The following SPANXN3 variants were observed in gnomAD, a reference collection of about 807,000 sequenced individuals.
The protein encoded by SPANXN3 is SPANX family member N3, also known as sperm protein associated with the nucleus on the X chromosome N3.
In SPANXN3, 1 loss-of-function variant was observed where a neutral mutation model predicts 1.9. That is an observed-to-expected ratio of 0.54 (90% CI 0.19 to 2.54). SPANXN3 has a LOEUF of 2.54. Ranked by LOEUF, SPANXN3 falls within the 30% of genes most tolerant of loss-of-function variation. SPANXN3 has a pLI of 0.24. For synonymous variants in SPANXN3, 47 were observed against 40.0 expected (o/e 1.17, Z -0.66); for missense variants, 113 against 96.2 (o/e 1.17, Z -0.73).
chrX:143,516,622 TC>T (rs1159730980), intron 1 of SPANXN3: 1 of 111,733 alleles, frequency 8.9e-6, no homozygotes, highest in Non-Finnish European at 1.9e-5. Flanking sequence ...TACCTTCATA[TC>T]CCGCTTTATC....
At chrX:143,511,489 A>G (rs1929090227) in intron 1 of SPANXN3, among the ~76,000 whole-genome samples, 1 of 111,668 alleles carries the variant, frequency 9.0e-6, no homozygotes, top group African/African-American at 3.3e-5. Context: ...AAAACTTTAA[A>G]AAGTGGAGGA....
chrX:143,509,472 T>C (rs1274346141), intron 1 of SPANXN3: 4 of 260,431 alleles, frequency 1.5e-5, no homozygotes, highest in East Asian at 6.9e-5. Context: ...GACCACAAGG[T>C]GGACAAAGGC....
At chrX:143,511,000 T>C (rs1288782160) in intron 1 of SPANXN3, among the ~76,000 whole-genome samples, 6 of 111,891 alleles carry the variant, frequency 5.4e-5, no homozygotes, top group African/African-American at 1.6e-4. Flanking sequence ...TGAATTCAAG[T>C]TCCCTAGCTG....
chrX:143,516,017 G>A (rs1357447350), intron 1 of SPANXN3, among the ~76,000 whole-genome samples: 5 of 111,112 alleles, frequency 4.5e-5, no homozygotes, highest in African/African-American at 1.3e-4. Flanking sequence ...AAGGGCGCTC[G>A]CTGGAAAACA....
In SPANXN3 at chrX:143,516,941, C is replaced by T. The variant is rs782637035; in HGVS notation, c.78+373G>A. 3.3e-3 allele frequency: 523 copies of T among 157,242 alleles called. 2 individuals carry two copies. The highest frequency in any genetic ancestry group is 7.2e-3 in the South Asian group (43 of 5,976). The allele number at this position is 157,242 out of a possible 1,213,427, so 13.0% of individuals were successfully genotyped here. A position where few individuals can be genotyped will look rare whatever the true frequency, so the allele number is the denominator to read the frequency against. ...GTGAAACATTCCACGGGGGTTCGGG[C>T]CATGAGAAAAATCTTGCCTAATCGT... is the stretch of plus-strand genomic sequence containing the variant. On this transcript the variant is annotated intron_variant, in intron 1 of 1. Coordinates refer to ENST00000370503, the MANE Select transcript of SPANXN3 (RefSeq NM_001009609.4).
At chrX:143,511,459 C>T (rs1280110488) in intron 1 of SPANXN3, among the ~76,000 whole-genome samples, 1 of 111,454 alleles carries the variant, frequency 9.0e-6, no homozygotes, top group Non-Finnish European at 1.9e-5. Context: ...ATCTCCCAGT[C>T]AGCCCCAGAC....
intron 1 of SPANXN3, among the ~76,000 whole-genome samples, chrX:143,513,010 G>C (rs1157048678): frequency 8.9e-6 from 1 of 111,896 alleles, no homozygotes; most frequent in Non-Finnish European, 1.9e-5. Context: ...CCTTGGGTTT[G>C]TCCTAACCCC....
intron 1 of SPANXN3, among the ~76,000 whole-genome samples, chrX:143,511,857 A>G (rs1284365036): frequency 6.3e-5 from 7 of 111,439 alleles, no homozygotes; most frequent in Middle Eastern, 4.6e-3. Flanking sequence ...GGTGGGGCCT[A>G]GAGTCCACCA....
At chrX:143,514,963 C>T (rs1313465762) in intron 1 of SPANXN3, among the ~76,000 whole-genome samples, 1 of 111,438 alleles carries the variant, frequency 9.0e-6, no homozygotes, top group Non-Finnish European at 1.9e-5. Context: ...AACTCATGTA[C>T]AAATGCCCTT....
chrX:143,516,158 A>C (rs1269953294), intron 1 of SPANXN3, among the ~76,000 whole-genome samples: 5 of 111,945 alleles, frequency 4.5e-5, no homozygotes, highest in South Asian at 3.8e-4. Flanking sequence ...TCCACCACCA[A>C]CATTTCCTAT....
At chrX:143,515,500 A>G (rs1359371132) in intron 1 of SPANXN3, among the ~76,000 whole-genome samples, 4 of 111,015 alleles carry the variant, frequency 3.6e-5, no homozygotes, top group Non-Finnish European at 1.9e-5. Context: ...CCAATTCGTC[A>G]TACTAATCCA....
intron 1 of SPANXN3, chrX:143,509,579 A>G (rs1556411421): frequency 7.7e-6 from 1 of 130,233 alleles, no homozygotes. Flanking sequence ...TAAACTCTCC[A>G]TCTTATTTTT....
At chrX:143,516,673 C>G (rs1929223228) in intron 1 of SPANXN3, 1 of 112,394 alleles carries the variant, frequency 8.9e-6, no homozygotes, top group African/African-American at 3.3e-5. Context: ...GGCCACCCAG[C>G]AACACATTGA....
chrX:143,511,049 A>G (rs1331723325), intron 1 of SPANXN3, among the ~76,000 whole-genome samples: 3 of 111,947 alleles, frequency 2.7e-5, no homozygotes, highest in African/African-American at 9.8e-5. Context: ...CTCCTTTTCA[A>G]TGGATCCTAC....
chrX:143,515,789 C>G (rs1343232612), intron 1 of SPANXN3, among the ~76,000 whole-genome samples: 1 of 111,937 alleles, frequency 8.9e-6, no homozygotes, highest in Non-Finnish European at 1.9e-5. Flanking sequence ...TGCATCTCAC[C>G]TACTTGACCA....
intron 1 of SPANXN3, among the ~76,000 whole-genome samples, chrX:143,513,341 C>T (rs1929140161): frequency 8.9e-6 from 1 of 112,349 alleles, no homozygotes; most frequent in Admixed American, 9.4e-5. Flanking sequence ...CCTTGGACTA[C>T]TCTGCCAAAC....
chrX:143,509,786 TC>T, intron 1 of SPANXN3: 1 of 122,045 alleles, frequency 8.2e-6, no homozygotes. Flanking sequence ...ATTAAGCTGG[TC>T]CCCCACTTCC....
intron 1 of SPANXN3, among the ~76,000 whole-genome samples, chrX:143,512,054 G>T (rs1556411806): frequency 1.8e-5 from 2 of 110,942 alleles, no homozygotes; most frequent in Non-Finnish European, 3.8e-5. Context: ...GCACAGACTC[G>T]TCCTTTATTA....
At chrX:143,513,878 A>T (rs781845611) in intron 1 of SPANXN3, among the ~76,000 whole-genome samples, 2 of 112,007 alleles carry the variant, frequency 1.8e-5, no homozygotes, top group Admixed American at 9.4e-5. Context: ...ACCCCATGCT[A>T]CCTCTCAACA....
Sources: allele counts gnomAD v4.1 joint callset (sites outside exome capture counted in the v4.1 genomes callset), GRCh38; gene constraint gnomAD v4.1.1; transcripts MANE v1.5; gene names NCBI Gene and HGNC (gene_info 2026-07-23, HGNC 2026-07-21).